The following DIAPH2 variants were observed in gnomAD, a reference collection of about 807,000 sequenced individuals.
DIAPH2 encodes diaphanous related formin 2, also known as protein diaphanous homolog 2.
DIAPH2 carries 35 observed loss-of-function variants against 92.7 expected under a neutral mutation model. That is an observed-to-expected ratio of 0.38 (90% CI 0.29 to 0.50). DIAPH2 has a LOEUF of 0.50. DIAPH2 is among the 20% of genes least tolerant of loss of function. DIAPH2 has a pLI of 0.94. For missense variants in DIAPH2, 701 were observed against 819.5 expected (o/e 0.86, Z 1.77); for synonymous variants, 301 against 280.4 (o/e 1.07, Z -0.73).
chrX:97,032,167 T>C (rs2066380074), intron 17 of DIAPH2, among the ~76,000 whole-genome samples: 1 of 111,305 alleles, frequency 9.0e-6, no homozygotes, highest in African/African-American at 3.3e-5. Context: ...GATTAAATAA[T>C]TATAAAGATC....
At chrX:97,356,045 A>G (rs1163812907) in intron 24 of DIAPH2, among the ~76,000 whole-genome samples, 4 of 111,929 alleles carry the variant, frequency 3.6e-5, no homozygotes, top group South Asian at 3.7e-4. Context: ...CCAAGGGTAC[A>G]GTTTCCTACT....
At chrX:97,302,286 T>C (rs2068713699) in intron 23 of DIAPH2, among the ~76,000 whole-genome samples, 1 of 108,033 alleles carries the variant, frequency 9.3e-6, no homozygotes, top group African/African-American at 3.4e-5. Flanking sequence ...CCCAGCACTT[T>C]GGGAGGCCGA....
At chrX:97,471,713 G>C (rs1400463225) in intron 26 of DIAPH2, among the ~76,000 whole-genome samples, 1 of 82,474 alleles carries the variant, frequency 1.2e-5, no homozygotes, top group Non-Finnish European at 2.4e-5. Flanking sequence ...AAAAAAAAAA[G>C]GAAAGAAAAA....
At chrX:97,440,211 G>A (rs1333617488) in intron 26 of DIAPH2, among the ~76,000 whole-genome samples, 1 of 111,693 alleles carries the variant, frequency 9.0e-6, no homozygotes, top group African/African-American at 3.3e-5. Flanking sequence ...ATGATAGCAT[G>A]TTCAAAAATT....
intron 17 of DIAPH2, among the ~76,000 whole-genome samples, chrX:97,001,740 C>CT (rs1300998455): frequency 9.0e-6 from 1 of 111,456 alleles, no homozygotes; most frequent in African/African-American, 3.3e-5. Flanking sequence ...CTCTCTGTAT[C>CT]TTTTTTTATT....
intron 17 of DIAPH2, among the ~76,000 whole-genome samples, chrX:96,998,868 G>A (rs1262426125): frequency 1.8e-5 from 2 of 112,069 alleles, no homozygotes; most frequent in Admixed American, 9.4e-5. Flanking sequence ...ATAATAGTAT[G>A]TACCCTTTAG....
chrX:97,212,451 C>A (rs747917636), intron 22 of DIAPH2, among the ~76,000 whole-genome samples: 2 of 110,885 alleles, frequency 1.8e-5, no homozygotes, highest in East Asian at 5.6e-4. Context: ...ATTTGCAATG[C>A]CTGATTTTGG....
At chrX:97,566,123 C>T (rs2071325721) in intron 26 of DIAPH2, among the ~76,000 whole-genome samples, 1 of 111,793 alleles carries the variant, frequency 8.9e-6, no homozygotes, top group South Asian at 3.7e-4. Context: ...TAAGTTGTTC[C>T]AGACTAATGC....
chrX:96,825,707 C>G (rs993141171), intron 4 of DIAPH2, among the ~76,000 whole-genome samples: 1 of 111,558 alleles, frequency 9.0e-6, no homozygotes, highest in African/African-American at 3.3e-5. Flanking sequence ...ATTACCTACT[C>G]TAGTCACTCC....
At chrX:97,331,719 GCAAA>G (rs1178872032) in intron 23 of DIAPH2, among the ~76,000 whole-genome samples, 1 of 111,520 alleles carries the variant, frequency 9.0e-6, no homozygotes, top group African/African-American at 3.3e-5. Context: ...TTTCAACCAT[GCAAA>G]CAGTTTTATT....
intron 15 of DIAPH2, among the ~76,000 whole-genome samples, chrX:96,956,742 G>A (rs1307495623): frequency 2.7e-5 from 3 of 111,344 alleles, no homozygotes; most frequent in Non-Finnish European, 5.7e-5. Flanking sequence ...CCTCATCCTG[G>A]ACTTTATTGT....
chrX:96,989,271 A>G (rs1254634581), intron 17 of DIAPH2, among the ~76,000 whole-genome samples: 3 of 111,979 alleles, frequency 2.7e-5, no homozygotes, highest in Non-Finnish European at 5.7e-5. Flanking sequence ...ATGTGGCTTT[A>G]TTGTTATTTA....
At chrX:97,100,343 T>C (rs1195110346) in intron 20 of DIAPH2, among the ~76,000 whole-genome samples, 1 of 111,771 alleles carries the variant, frequency 8.9e-6, no homozygotes, top group Non-Finnish European at 1.9e-5. Context: ...CTTTAAATCA[T>C]CATGTAGTTA....
chrX:97,109,336 G>A (rs989191759), intron 20 of DIAPH2, among the ~76,000 whole-genome samples: 2 of 111,061 alleles, frequency 1.8e-5, no homozygotes, highest in South Asian at 3.9e-4. Flanking sequence ...TGGGAAGATC[G>A]CCTGAGCCCC....
intron 20 of DIAPH2, among the ~76,000 whole-genome samples, chrX:97,109,329 G>A (rs1401980297): frequency 9.0e-6 from 1 of 111,198 alleles, no homozygotes; most frequent in Non-Finnish European, 1.9e-5. Context: ...GCTGAGGTGG[G>A]AAGATCGCCT....
intron 26 of DIAPH2, among the ~76,000 whole-genome samples, chrX:97,440,202 T>A (rs148195536): frequency 2.5e-4 from 28 of 111,712 alleles, no homozygotes; most frequent in African/African-American, 7.8e-4. Flanking sequence ...GGAGCACAGA[T>A]GATAGCATGT....
At chrX:97,225,018 G>A (rs1181727410) in intron 22 of DIAPH2, among the ~76,000 whole-genome samples, 1 of 110,799 alleles carries the variant, frequency 9.0e-6, no homozygotes, top group Non-Finnish European at 1.9e-5. Flanking sequence ...GGCTTATCAT[G>A]AATCAATTGT....
chrX:97,057,304 T>TTGCC (rs1268255698), intron 17 of DIAPH2, among the ~76,000 whole-genome samples: 2 of 112,068 alleles, frequency 1.8e-5, no homozygotes, highest in Non-Finnish European at 3.8e-5. Context: ...GGGTAACACC[T>TTGCC]TGCCCCCTAC....
At chrX:97,020,087 GC>G (rs1271830913) in intron 17 of DIAPH2, among the ~76,000 whole-genome samples, 1 of 112,562 alleles carries the variant, frequency 8.9e-6, no homozygotes, top group Admixed American at 9.4e-5. Context: ...GCTATGCAGT[GC>G]TGCAGTTGAC....
Sources: gnomAD v4.1 joint callset for allele counts (sites outside exome capture counted in the v4.1 genomes callset) on GRCh38, gnomAD v4.1.1 for gene constraint, MANE v1.5 for transcripts, NCBI Gene and HGNC (gene_info 2026-07-23, HGNC 2026-07-21) for gene names.